Variants in ATXN7L1 observed in about 807,000 individuals in gnomAD.
The protein encoded by ATXN7L1 is ataxin-7-like protein 1.
In ATXN7L1, 15 loss-of-function variants were observed where a neutral mutation model predicts 70.8. The observed-to-expected ratio is 0.21, with a 90% CI of 0.14 to 0.33. ATXN7L1 has a LOEUF of 0.33. Ranked by LOEUF, ATXN7L1 falls within the 10% of genes least tolerant of loss-of-function variation. The pLI, the probability that ATXN7L1 is intolerant of heterozygous loss-of-function variation, is 1.00. For missense variants in ATXN7L1, 975 were observed against 1,097.1 expected, an observed-to-expected ratio of 0.89 and a Z score of 1.57; for synonymous variants, 440 against 445.1, an observed-to-expected ratio of 0.99 and a Z score of 0.14.
At chr7:105,764,490 A>G (rs1479936019) in intron 3 of ATXN7L1, among the ~76,000 whole-genome samples, 4 of 152,192 alleles carry the variant, frequency 2.6e-5, no homozygotes, top group African/African-American at 9.6e-5. Context: ...GATTTTAACA[A>G]GCCCTCCAGG....
At chr7:105,636,937 T>C (rs549485885) in intron 7 of ATXN7L1, among the ~76,000 whole-genome samples, 1 of 152,340 alleles carries the variant, frequency 6.6e-6, no homozygotes, top group East Asian at 1.9e-4. Flanking sequence ...TCGCTGTATA[T>C]ACAATTGAAG....
intron 2 of ATXN7L1, among the ~76,000 whole-genome samples, chr7:105,858,092 G>A (rs960014686): frequency 2.6e-5 from 4 of 152,102 alleles, no homozygotes; most frequent in Non-Finnish European, 5.9e-5. Flanking sequence ...TTGGTGTGGT[G>A]TGGTAGTATG....
chr7:105,760,271 G>C, intron 3 of ATXN7L1: 1 of 974,324 alleles, frequency 1.0e-6, no homozygotes, highest in African/African-American at 1.8e-5. Flanking sequence ...TGGTTTTACA[G>C]TTAAAAAAAT....
At chr7:105,816,633 C>T (rs548417619) in intron 2 of ATXN7L1, among the ~76,000 whole-genome samples, 1 of 152,346 alleles carries the variant, frequency 6.6e-6, no homozygotes, top group South Asian at 2.1e-4. Flanking sequence ...TCGCTGCCAC[C>T]TTCACCATAC....
chr7:105,659,518 C>T (rs1045853164), intron 4 of ATXN7L1, among the ~76,000 whole-genome samples: 20 of 152,066 alleles, frequency 1.3e-4, no homozygotes, highest in African/African-American at 4.6e-4. Context: ...AAGGCGATAG[C>T]ATATCAGGTT....
intron 3 of ATXN7L1, among the ~76,000 whole-genome samples, chr7:105,764,687 C>T (rs1490605432): frequency 1.3e-5 from 2 of 152,140 alleles, no homozygotes; most frequent in East Asian, 1.9e-4. Flanking sequence ...TCTTCCCTTG[C>T]TTTATTACAA....
chr7:105,755,781 C>T (rs1399666577), intron 3 of ATXN7L1, among the ~76,000 whole-genome samples: 1 of 152,156 alleles, frequency 6.6e-6, no homozygotes, highest in Non-Finnish European at 1.5e-5. Context: ...TGAGTAGACT[C>T]ATTAAAAGAA....
chr7:105,704,952 A>G (rs535307), intron 3 of ATXN7L1, among the ~76,000 whole-genome samples: 119,802 of 152,036 alleles, frequency 0.79, 48,261 homozygotes, highest in East Asian at 1. Context: ...ACCCAAGCAC[A>G]CTCTCCTGTG....
intron 3 of ATXN7L1, among the ~76,000 whole-genome samples, chr7:105,705,574 C>T (rs762941367): frequency 3.3e-5 from 5 of 152,112 alleles, no homozygotes; most frequent in Non-Finnish European, 7.4e-5. Flanking sequence ...AGGAATCTGT[C>T]GCAGCTCTCC....
At chr7:105,634,172 C>T (rs985541548) in intron 7 of ATXN7L1, among the ~76,000 whole-genome samples, 3 of 152,192 alleles carry the variant, frequency 2.0e-5, no homozygotes, top group Non-Finnish European at 4.4e-5. Context: ...GGTGTTGACA[C>T]AGTCACGCAA....
intron 3 of ATXN7L1, among the ~76,000 whole-genome samples, chr7:105,666,186 C>G (rs973701022): frequency 6.6e-6 from 1 of 152,150 alleles, no homozygotes; most frequent in Non-Finnish European, 1.5e-5. Context: ...ACTTTTACAC[C>G]TGCCCAAAAA....
intron 2 of ATXN7L1, among the ~76,000 whole-genome samples, chr7:105,855,306 T>TACATTAAAA (rs1815564996): frequency 1.3e-5 from 2 of 152,230 alleles, no homozygotes; most frequent in Non-Finnish European, 2.9e-5. Flanking sequence ...GTGCAAAAGC[T>TACATTAAAA]AGCACAGACA....
intron 2 of ATXN7L1, among the ~76,000 whole-genome samples, chr7:105,813,332 A>T (rs1404840531): frequency 7.2e-6 from 1 of 138,836 alleles, no homozygotes; most frequent in Non-Finnish European, 1.5e-5. Context: ...TTCACAATCT[A>T]CAATTTTTTT....
chr7:105,714,337 T>A (rs189401227), intron 3 of ATXN7L1, among the ~76,000 whole-genome samples: 2 of 152,322 alleles, frequency 1.3e-5, no homozygotes, highest in Admixed American at 6.5e-5. Flanking sequence ...TGCCCCACCC[T>A]CCTGACCAGC....
intron 3 of ATXN7L1, among the ~76,000 whole-genome samples, chr7:105,786,872 C>T (rs1321415020): frequency 1.3e-5 from 2 of 152,288 alleles, no homozygotes; most frequent in East Asian, 3.9e-4. Context: ...GTGCCTATAA[C>T]AGCTGCACAT....
intron 3 of ATXN7L1, among the ~76,000 whole-genome samples, chr7:105,723,274 C>A (rs889479625): frequency 6.6e-6 from 1 of 152,162 alleles, no homozygotes; most frequent in Non-Finnish European, 1.5e-5. Context: ...CCTCACTTTC[C>A]TCATCTACAA....
chr7:105,610,480 G>T, intron 11 of ATXN7L1, 49 bp downstream of exon 11: 2 of 1,445,424 alleles, frequency 1.4e-6, no homozygotes, highest in Non-Finnish European at 1.9e-6. Flanking sequence ...TTTCCACTCT[G>T]CTGATGACCA....
At position 105,605,064 on chromosome 7, in the gene ATXN7L1, T is replaced by TTTTG; in HGVS notation, c.*2787_*2788insCAAA. ...TCGCTTTTTTTTTTTTTTTTTTTTT[T>TTTTG]TTATGGCTGACAGGTCTATGCATTG... On this transcript the variant is annotated 3_prime_UTR_variant, in exon 12 of 12. Transcript: ENST00000419735. The TTTTG allele has an allele frequency of 6.8e-6, 1 of 147,634 alleles. No homozygotes were observed. Among genetic ancestry groups the TTTTG allele is most frequent in the Admixed American group, 6.8e-5 (1 of 14,624 alleles). The allele number at this position is 147,634 out of a possible 1,614,324, so 9.1% of individuals were successfully genotyped here.
intron 2 of ATXN7L1, chr7:105,819,469 C>G: frequency 1.4e-6 from 1 of 723,164 alleles, no homozygotes; most frequent in Non-Finnish European, 2.5e-6. Flanking sequence ...AAAAGAGTGT[C>G]CTTTCCCAGG....
Sources: allele counts gnomAD v4.1 joint callset (sites outside exome capture counted in the v4.1 genomes callset), GRCh38; gene constraint gnomAD v4.1.1; transcripts MANE v1.5; gene names NCBI Gene and HGNC (gene_info 2026-07-23, HGNC 2026-07-21).